The following SGK1 variants were observed in gnomAD, a reference collection of about 807,000 sequenced individuals.
SGK1 encodes serum/glucocorticoid regulated kinase 1, also known as serine/threonine-protein kinase Sgk1.
Under a neutral mutation model 64.2 loss-of-function variants are expected in SGK1, and 26 were observed. The ratio of observed to expected loss-of-function variants is 0.40; its 90% CI spans 0.30 to 0.56. The LOEUF (loss-of-function observed/expected upper bound fraction) is 0.56. SGK1 is among the 20% of genes least tolerant of loss of function. SGK1 has a pLI of 0.38. For synonymous variants in SGK1, 265 were observed against 239.7 expected (o/e 1.11, Z -0.98); for missense variants, 519 against 645.6 (o/e 0.80, Z 2.12).
intron 2 of SGK1, among the ~76,000 whole-genome samples, chr6:134,212,309 TC>T (rs1775906012): frequency 6.6e-6 from 1 of 152,148 alleles, no homozygotes; most frequent in African/African-American, 2.4e-5. Flanking sequence ...CGCTTCAGCC[TC>T]CCAAAGTGCT....
At chr6:134,175,383 C>T (rs1775199413) in intron 3 of SGK1, among the ~76,000 whole-genome samples, 1 of 152,104 alleles carries the variant, frequency 6.6e-6, no homozygotes, top group South Asian at 2.1e-4. Context: ...CGGGGTTTAT[C>T]CCTGGGGCGC....
At chr6:134,273,221 G>T (rs575086552) in intron 1 of SGK1, among the ~76,000 whole-genome samples, 3 of 147,660 alleles carry the variant, frequency 2.0e-5, no homozygotes, top group South Asian at 4.4e-4. Flanking sequence ...TCATTCCATG[G>T]AAAGAGTTTT....
At position 134,230,965 on chromosome 6, in the gene SGK1, G is replaced by A. The variant is rs540920722; in HGVS notation, c.286-23534C>T. Among the ~76,000 whole-genome samples, 3 of 152,262 alleles carry A rather than the reference G, an allele frequency of 2.0e-5. No individual in the cohort carries two copies. In the East Asian group the frequency reaches 5.8e-4, roughly 29 times the overall value. On this transcript the variant is annotated intron_variant, in intron 2 of 13. Coordinates refer to ENST00000367858, the MANE Select transcript of SGK1 (RefSeq NM_001143676.3). Reference sequence around the variant, plus strand: ...GGAGGCAGAGGCTGTAGTGAGCCAAGATCACACCACTGCACTCCAGCCTGG... The same window carrying A: ...GGAGGCAGAGGCTGTAGTGAGCCAAAATCACACCACTGCACTCCAGCCTGG...
rs1777391248 is a variant in SGK1 at position 134,298,138 on chromosome 6, G to A, written c.69+19254C>T. The A allele has an allele frequency of 3.1e-6, 4 of 1,311,116 alleles. No individual in the cohort carries two copies. The East Asian group carries it at 9.2e-5, about 30-fold the overall frequency. The allele number at this position is 1,311,116 out of a possible 1,614,324, so 81.2% of individuals were successfully genotyped here. On this transcript the variant is annotated intron_variant, in intron 1 of 13. Transcript: ENST00000367858. ...CTTCATCCACATCCTTCTTGATGAGGACAGATTCATTCTCCATCTCTGTAA... is the reference window on the plus strand; with the variant it reads ...CTTCATCCACATCCTTCTTGATGAGAACAGATTCATTCTCCATCTCTGTAA...
At chr6:134,171,603 G>C in intron 11 of SGK1, 34 bp downstream of exon 11, 2 of 1,438,850 alleles carry the variant, frequency 1.4e-6, no homozygotes, top group Non-Finnish European at 2.0e-6. Flanking sequence ...GTAGGGAGCA[G>C]GCAGTGTTCC....
intron 2 of SGK1, among the ~76,000 whole-genome samples, chr6:134,218,453 TGAGA>T (rs1776024533): frequency 6.7e-6 from 1 of 150,116 alleles, no homozygotes; most frequent in African/African-American, 2.4e-5. Flanking sequence ...TTTTTTTTTT[TGAGA>T]GAGTCTGGCT....
At chr6:134,172,853 G>T in intron 8 of SGK1, 79 bp from the exon 9 acceptor site, 1 of 1,227,844 alleles carries the variant, frequency 8.1e-7, no homozygotes, top group Non-Finnish European at 1.2e-6. Context: ...AAGAACAACT[G>T]CAGGAAGTGG....
intron 1 of SGK1, among the ~76,000 whole-genome samples, chr6:134,286,268 C>T (rs1777182099): frequency 6.6e-6 from 1 of 152,042 alleles, no homozygotes; most frequent in Admixed American, 6.6e-5. Context: ...GCCTGTAATC[C>T]CAACACTTTA....
chr6:134,315,492 G>A (rs1278674739), intron 1 of SGK1, among the ~76,000 whole-genome samples: 1 of 149,852 alleles, frequency 6.7e-6, no homozygotes, highest in Non-Finnish European at 1.5e-5. Flanking sequence ...AAGTCTATTG[G>A]TAAACTTGCT....
In SGK1 at chr6:134,284,923, T is replaced by A. The variant is rs147531653; in HGVS notation, c.70-22775A>T. On this transcript the variant is annotated intron_variant, in intron 1 of 13. Transcript: ENST00000367858. ...TGGTGTGTATATATCACATTTTTTT[T>A]ATCCACTCATTGGCTGATGGGCAGT... Among the ~76,000 whole-genome samples, 658 of 152,360 alleles carry A rather than the reference T, an allele frequency of 4.3e-3. 7 individuals are homozygous for A. The highest frequency in any genetic ancestry group is 0.015 in the African/African-American group (607 of 41,594).
chr6:134,197,744 T>C (rs1160756330), intron 3 of SGK1, among the ~76,000 whole-genome samples: 1 of 151,802 alleles, frequency 6.6e-6, no homozygotes, highest in African/African-American at 2.4e-5. Context: ...GAGAATCACT[T>C]GAACCCGGGA....
chr6:134,236,255 C>G (rs1047778644), intron 2 of SGK1, among the ~76,000 whole-genome samples: 20 of 152,080 alleles, frequency 1.3e-4, no homozygotes, highest in Admixed American at 1.2e-3. Flanking sequence ...ACACATTTTA[C>G]ATAATATTGG....
At chr6:134,280,445 T>A (rs1043818739) in intron 1 of SGK1, among the ~76,000 whole-genome samples, 3 of 152,060 alleles carry the variant, frequency 2.0e-5, no homozygotes, top group South Asian at 2.1e-4. Flanking sequence ...ATATATATAT[T>A]TTTTAATTTT....
intron 2 of SGK1, among the ~76,000 whole-genome samples, chr6:134,240,423 AT>A (rs1391124080): frequency 6.6e-6 from 1 of 152,208 alleles, no homozygotes; most frequent in Non-Finnish European, 1.5e-5. Context: ...CTAGAGATGT[AT>A]AGTGAAAGAG....
rs189479077 is a variant in SGK1 at position 134,190,091 on chromosome 6, C to T, written c.362-15505G>A. Among the ~76,000 whole-genome samples the T allele has an allele frequency of 4.5e-4, 68 of 152,288 alleles. 1 individual carries two copies. Among genetic ancestry groups the T allele is most frequent in the Non-Finnish European group, 7.9e-4 (54 of 68,018 alleles). Reference sequence around the variant, plus strand: ...TCTTAAACTCCTGACCTCAAGTGATCGGCCCGCCTTGGCCTCCCAAAGTGC... The same window carrying T: ...TCTTAAACTCCTGACCTCAAGTGATTGGCCCGCCTTGGCCTCCCAAAGTGC... On this transcript the variant is annotated intron_variant, in intron 3 of 13. Coordinates refer to ENST00000367858, the MANE Select transcript of SGK1 (RefSeq NM_001143676.3).
chr6:134,197,687 A>G (rs935471300), intron 3 of SGK1, among the ~76,000 whole-genome samples: 4 of 151,934 alleles, frequency 2.6e-5, no homozygotes, highest in Admixed American at 2.6e-4. Context: ...TTAGCCAGGC[A>G]TGGTGGCGGA....
intron 1 of SGK1, among the ~76,000 whole-genome samples, chr6:134,273,034 G>A (rs990655324): frequency 4.1e-5 from 6 of 148,068 alleles, no homozygotes; most frequent in Admixed American, 6.9e-5. Flanking sequence ...ATGAGACTGC[G>A]GTTTATCACA....
intron 3 of SGK1, among the ~76,000 whole-genome samples, chr6:134,184,699 T>C (rs561486059): frequency 6.6e-6 from 1 of 152,252 alleles, no homozygotes; most frequent in East Asian, 1.9e-4. Flanking sequence ...TGTTTGTTTG[T>C]TTAAGACAGG....
At chr6:134,286,690 A>G (rs1777189577) in intron 1 of SGK1, among the ~76,000 whole-genome samples, 2 of 151,942 alleles carry the variant, frequency 1.3e-5, no homozygotes, top group Admixed American at 6.6e-5. Context: ...GATGGTCTCA[A>G]TCTCCTGACC....
Sources: allele counts gnomAD v4.1 joint callset (sites outside exome capture counted in the v4.1 genomes callset), GRCh38; gene constraint gnomAD v4.1.1; transcripts MANE v1.5; gene names NCBI Gene and HGNC (gene_info 2026-07-23, HGNC 2026-07-21).